SEMA3D: variants seen among roughly 807,000 people sequenced by gnomAD.
The protein encoded by SEMA3D is semaphorin 3D, also known as semaphorin-3D.
SEMA3D carries 84 observed loss-of-function variants against 100.1 expected under a neutral mutation model. The observed-to-expected ratio is 0.84, with a 90% CI of 0.70 to 1.01. The LOEUF (loss-of-function observed/expected upper bound fraction) is 1.01. Among genes scored for constraint, SEMA3D ranks in the 50% least tolerant of loss-of-function variants. The probability of loss-of-function intolerance (pLI) is 0.00; values close to 1 mark genes in which losing one functional copy is unlikely to be tolerated. For synonymous variants in SEMA3D, 312 were observed against 320.7 expected (o/e 0.97, Z 0.29); for missense variants, 875 against 934.1 (o/e 0.94, Z 0.82).
chr7:85,193,719 A>T, the SEMA3D span, among the ~76,000 whole-genome samples: 1 of 152,178 alleles, frequency 6.6e-6, no homozygotes, highest in African/African-American at 2.4e-5. Flanking sequence ...CAAGTTTAAC[A>T]AAAGACTGGG....
chr7:85,049,693 G>A (rs908437920), intron 9 of SEMA3D, among the ~76,000 whole-genome samples: 4 of 151,788 alleles, frequency 2.6e-5, no homozygotes, highest in East Asian at 1.9e-4. Flanking sequence ...CAATAAATAC[G>A]GAAAGTGTCA....
intron 1 of SEMA3D, among the ~76,000 whole-genome samples, chr7:85,159,085 C>T (rs1384355050): frequency 3.3e-5 from 5 of 152,138 alleles, no homozygotes; most frequent in Non-Finnish European, 7.3e-5. Context: ...CAACCCCTTT[C>T]GTCTGTTTTT....
the SEMA3D span, among the ~76,000 whole-genome samples, chr7:85,247,113 T>C: frequency 6.6e-6 from 1 of 152,034 alleles, no homozygotes; most frequent in African/African-American, 2.4e-5. Context: ...TCAAACTTAC[T>C]AAAAATTTTC....
intron 7 of SEMA3D, 33 bp downstream of exon 7, chr7:85,068,158 T>C (rs1204855747): frequency 1.6e-6 from 2 of 1,235,994 alleles, no homozygotes; most frequent in Admixed American, 1.7e-5. Flanking sequence ...AGAAAACCAT[T>C]TAAGGATAAG....
chr7:85,167,684 T>C lies in SEMA3D; in HGVS notation c.-172-13945A>G, dbSNP rs558056550. ...AATACATCTAAAACTTGGGGAATTA[T>C]TATTCCAGGAAGGATGGAATTTCCC... is the stretch of plus-strand genomic sequence containing the variant. On this transcript the variant is annotated intron_variant, in intron 1 of 18. Transcript: ENST00000284136. Among the ~76,000 whole-genome samples the C allele has an allele frequency of 3.3e-5, 5 of 152,000 alleles. No individual in the cohort carries two copies. In the South Asian group the frequency reaches 8.3e-4, roughly 25 times the overall value.
chr7:85,029,165 C>A (rs1362178156), intron 12 of SEMA3D: 1 of 651,954 alleles, frequency 1.5e-6, no homozygotes, highest in Non-Finnish European at 2.9e-6. Context: ...ACCTACTTCG[C>A]AAGTTTGAGC....
chr7:85,226,617 T>C, the SEMA3D span, among the ~76,000 whole-genome samples: 1 of 152,222 alleles, frequency 6.6e-6, no homozygotes, highest in Admixed American at 6.5e-5. Flanking sequence ...TAGTTTGTTT[T>C]GGTGGATAGT....
intron 9 of SEMA3D, among the ~76,000 whole-genome samples, chr7:85,053,242 T>C (rs1402869316): frequency 1.3e-5 from 2 of 151,990 alleles, no homozygotes; most frequent in Non-Finnish European, 2.9e-5. Flanking sequence ...CAGTGAAGCA[T>C]ACACAGTTTA....
chr7:85,105,491 GATTCTCCACTGTGTAC>G (rs1788890813), intron 3 of SEMA3D, among the ~76,000 whole-genome samples: 1 of 151,980 alleles, frequency 6.6e-6, no homozygotes. Flanking sequence ...AAATACCTAT[GATTCTCCACTGTGTAC>G]ATTTAGTCTC....
chr7:85,027,680 C>A, intron 12 of SEMA3D: 1 of 264,168 alleles, frequency 3.8e-6, no homozygotes, highest in South Asian at 4.3e-5. Flanking sequence ...AGGAGGTTAG[C>A]TTAGTGTTTT....
chr7:85,234,659 A>C, the SEMA3D span, among the ~76,000 whole-genome samples: 2 of 152,230 alleles, frequency 1.3e-5, no homozygotes, highest in East Asian at 3.8e-4. Flanking sequence ...TCAATCTTGC[A>C]TAGAGAGAAA....
intron 4 of SEMA3D, among the ~76,000 whole-genome samples, chr7:85,092,802 A>G (rs1788436145): frequency 6.6e-6 from 1 of 152,082 alleles, no homozygotes; most frequent in Non-Finnish European, 1.5e-5. Flanking sequence ...ATAATTAAAG[A>G]GATTTGCAGC....
intron 11 of SEMA3D, among the ~76,000 whole-genome samples, chr7:85,039,969 CTTTTTTTTTT>C (rs776990536): frequency 1.1e-5 from 1 of 90,628 alleles, no homozygotes; most frequent in African/African-American, 5.0e-5. Flanking sequence ...TACGCAAACA[CTTTTTTTTTT>C]TTTTTTTTTT....
At chr7:85,016,239 C>T (rs1790096636) in intron 15 of SEMA3D, among the ~76,000 whole-genome samples, 1 of 133,960 alleles carries the variant, frequency 7.5e-6, no homozygotes, top group Non-Finnish European at 1.6e-5. Flanking sequence ...CATTTGTCTC[C>T]TTTGTGATTC....
chr7:85,209,336 G>A, the SEMA3D span, among the ~76,000 whole-genome samples: 3 of 151,554 alleles, frequency 2.0e-5, no homozygotes, highest in African/African-American at 2.4e-5. Context: ...ACGTACAACC[G>A]GTGCTATAGA....
At chr7:85,241,519 G>A in the SEMA3D span, among the ~76,000 whole-genome samples, 1 of 123,332 alleles carries the variant, frequency 8.1e-6, no homozygotes, top group Non-Finnish European at 1.6e-5. Context: ...TAAAAGAAAT[G>A]AATTAATGGC....
Position 85,056,613 on chromosome 7 carries a change from TTA to T in SEMA3D, c.719-756_719-755del, listed in dbSNP as rs574033048. Among the ~76,000 whole-genome samples, 170 of 149,748 alleles carry T rather than the reference TTA, an allele frequency of 1.1e-3. 7 individuals are homozygous for T. In the South Asian group the frequency reaches 0.035, roughly 31 times the overall value. The stretch of plus-strand genomic sequence containing the variant: ...ATATATATAGCATTTATATAACATT[TTA>T]TATATATAGCATATATATAGCATTA... On this transcript the variant is annotated intron_variant, in intron 8 of 18. Coordinates refer to ENST00000284136, the MANE Select transcript of SEMA3D (RefSeq NM_001384900.1).
the SEMA3D span, among the ~76,000 whole-genome samples, chr7:85,226,682 AT>A: frequency 0.033 from 4,841 of 147,396 alleles, 87 homozygotes; most frequent in African/African-American, 0.046. Flanking sequence ...TAAGATGAGG[AT>A]TTTTTTTTTT....
chr7:85,229,864 T>C, the SEMA3D span, among the ~76,000 whole-genome samples: 2 of 152,292 alleles, frequency 1.3e-5, no homozygotes, highest in East Asian at 1.9e-4. Context: ...TTTCATTCCA[T>C]CTTTTTGAAC....
Sources: allele counts gnomAD v4.1 joint callset (sites outside exome capture counted in the v4.1 genomes callset), GRCh38; gene constraint gnomAD v4.1.1; transcripts MANE v1.5; gene names NCBI Gene and HGNC (gene_info 2026-07-23, HGNC 2026-07-21).